ACSF2: variants seen among roughly 807,000 people sequenced by gnomAD.
ACSF2 encodes acyl-CoA synthetase family member 2, also known as medium-chain acyl-CoA ligase ACSF2, mitochondrial.
In ACSF2, 52 loss-of-function variants were observed where a neutral mutation model predicts 79.3. That is an observed-to-expected ratio of 0.66 (90% CI 0.53 to 0.83). The LOEUF is 0.83. ACSF2 is among the 40% of genes least tolerant of loss of function. ACSF2 has a pLI of 0.00. For missense variants in ACSF2, 661 were observed against 803.3 expected, an observed-to-expected ratio of 0.82 and a Z score of 2.14; for synonymous variants, 283 against 312.6, an observed-to-expected ratio of 0.91 and a Z score of 1.00.
At position 50,465,762 on chromosome 17, in the gene ACSF2, G is replaced by T. The variant is rs149581463; in HGVS notation, c.1215+1468G>T. On this transcript the variant is annotated intron_variant, in intron 10 of 15. Coordinates refer to ENST00000300441, the MANE Select transcript of ACSF2 (RefSeq NM_025149.6). ...TTCCAGGGGTTATTGGTAAGGGCGAGGGTCTCCAGGCTGTCGAAGGGGAAG... is the reference window on the plus strand; with the variant it reads ...TTCCAGGGGTTATTGGTAAGGGCGATGGTCTCCAGGCTGTCGAAGGGGAAG... 3.7e-6 allele frequency: 6 copies of T among 1,613,770 alleles called. No individual in the cohort carries two copies. In the African/African-American group the frequency reaches 6.7e-5, roughly 18 times the overall value.
Position 50,461,370 on chromosome 17 carries a change from G to C in ACSF2, c.453G>C (p.Leu151=). The part of the protein sequence containing the change: ...QLATAQAGII[L]VSVNPAYQAM... ...CCACCGCCCAGGCGGGCATCATTCT[G>C]GTGAGGAGGGGCTTGCTTGGCACAG... is the stretch of plus-strand genomic sequence containing the variant. Residue 151 remains leucine (L), a splice_region_variant and synonymous_variant, in exon 3 of 16, where the codon CTG becomes CTC. Coordinates refer to ENST00000300441, the MANE Select transcript of ACSF2 (RefSeq NM_025149.6). 6.2e-7 allele frequency: 1 copy of C among 1,613,980 alleles called. No homozygotes were observed. Among genetic ancestry groups the C allele is most frequent in the Non-Finnish European group, 8.5e-7 (1 of 1,179,988 alleles).
Position 50,463,512 on chromosome 17 carries a change from T to C in ACSF2, c.1006T>C (p.Phe336Leu). 1 of 1,614,182 alleles carries C rather than the reference T, an allele frequency of 6.2e-7. No homozygotes were observed. Among genetic ancestry groups the C allele is most frequent in the Non-Finnish European group, 8.5e-7 (1 of 1,180,032 alleles). The stretch of plus-strand genomic sequence containing the variant: ...CACCCTCATCCTGGCCTCTCCCATC[T>C]TCAATGGCAAGAAGGCACTGGAGGC... Reference protein sequence around the residue: ...GATLILASPIFNGKKALEAIS... With the variant: ...GATLILASPILNGKKALEAIS... The change falls in exon 8 of 16, where the codon TTC (phenylalanine) becomes CTC (leucine). Residue 336 changes from phenylalanine (F) to leucine (L), a missense_variant. Phe to Leu is a conservative substitution (Grantham distance 22). Coordinates refer to ENST00000300441, the MANE Select transcript of ACSF2 (RefSeq NM_025149.6). This position sits in a 1 kb window ranked among gnomAD's most constrained non-coding sequence, Gnocchi z 4.6.
chr17:50,435,421 T>A (rs576329267), intron 1 of ACSF2, among the ~76,000 whole-genome samples: 16 of 151,880 alleles, frequency 1.1e-4, no homozygotes, highest in East Asian at 3.9e-4. Flanking sequence ...TTTTTTTTTT[T>A]AATTTTTTGA....
In ACSF2 at chr17:50,467,925, A is replaced by G. The variant is rs1044551266; in HGVS notation, c.1216-3103A>G. 16 of 1,079,374 alleles carry G rather than the reference A, an allele frequency of 1.5e-5. No individual in the cohort carries two copies. The African/African-American group carries it at 2.4e-4, about 16-fold the overall frequency. The allele number at this position is 1,079,374 out of a possible 1,614,324, so 66.9% of individuals were successfully genotyped here. A position where few individuals can be genotyped will look rare whatever the true frequency, so the allele number is the denominator to read the frequency against. The stretch of plus-strand genomic sequence containing the variant: ...TGGCAGAGCTGCTCACCTTGGAGAT[A>G]GCCAGAGGGACAGGGAACCTGGGGA... On this transcript the variant is annotated intron_variant, in intron 10 of 15. Coordinates refer to ENST00000300441, the MANE Select transcript of ACSF2 (RefSeq NM_025149.6).
At chr17:50,470,785 G>A in intron 10 of ACSF2, 2 of 427,062 alleles carry the variant, frequency 4.7e-6, no homozygotes, top group Non-Finnish European at 8.6e-6. Context: ...AGCTGGAAGA[G>A]AATGGTGTCC....
In ACSF2 at chr17:50,463,681, C is replaced by A; in HGVS notation, c.1046+129C>A. ...GACTGAGGATGGGGACAGTGGAGGACCCCCAGGAGAGGACCAGTTCCTGCC... is the reference window on the plus strand; with the variant it reads ...GACTGAGGATGGGGACAGTGGAGGAACCCCAGGAGAGGACCAGTTCCTGCC... On this transcript the variant is annotated intron_variant, in intron 8 of 15. Transcript: ENST00000300441. This position sits in a 1 kb window ranked among gnomAD's most constrained non-coding sequence, Gnocchi z 4.6. 2 of 1,492,910 alleles carry A rather than the reference C, an allele frequency of 1.3e-6. No homozygotes were observed. The highest frequency in any genetic ancestry group is 1.4e-5 in the African/African-American group (1 of 72,636). The allele number at this position is 1,492,910 out of a possible 1,614,324, so 92.5% of individuals were successfully genotyped here.
chr17:50,465,175 T>C (rs954746667), intron 10 of ACSF2: 11 of 1,222,190 alleles, frequency 9.0e-6, no homozygotes, highest in Non-Finnish European at 1.3e-5. Flanking sequence ...CCCTCCTCTC[T>C]CTGTAAAAAT....
At chr17:50,464,621 G>A in intron 10 of ACSF2, 1 of 523,332 alleles carries the variant, frequency 1.9e-6, no homozygotes, top group Non-Finnish European at 3.7e-6. Context: ...CAGAGTTGGG[G>A]CATGGGCTTT....
Position 50,463,746 on chromosome 17 carries a change from A to G in ACSF2, c.1047-72A>G. ...TGCCTATTCCCTTTGCTGCAGTTTCATGGCGGGGTGGGTGAGAACAGGGAG... is the reference window on the plus strand; with the variant it reads ...TGCCTATTCCCTTTGCTGCAGTTTCGTGGCGGGGTGGGTGAGAACAGGGAG... On this transcript the variant is annotated intron_variant, in intron 8 of 15. Coordinates refer to ENST00000300441, the MANE Select transcript of ACSF2 (RefSeq NM_025149.6). This position sits in a 1 kb window ranked among gnomAD's most constrained non-coding sequence, Gnocchi z 4.6. The G allele has an allele frequency of 6.6e-7, 1 of 1,521,502 alleles. No individual in the cohort carries two copies. The highest frequency in any genetic ancestry group is 1.2e-5 in the South Asian group (1 of 86,126). 94.3% of individuals were successfully genotyped at this position (1,521,502 alleles called of 1,614,324 possible). A position where few individuals can be genotyped will look rare whatever the true frequency, so the allele number is the denominator to read the frequency against.
chr17:50,449,199 T>G (rs531606730), intron 1 of ACSF2, among the ~76,000 whole-genome samples: 2 of 151,522 alleles, frequency 1.3e-5, no homozygotes, highest in Admixed American at 1.3e-4. Context: ...GTGTTTTTGG[T>G]AGAGACAGGG....
intron 10 of ACSF2, chr17:50,465,473 G>A: frequency 6.2e-7 from 1 of 1,611,720 alleles, no homozygotes; most frequent in East Asian, 2.2e-5. Context: ...GGCTGGGGAA[G>A]AAGGTGGGAG....
In ACSF2 at chr17:50,472,729, C is replaced by T. The variant is rs575698464; in HGVS notation, c.1475+150C>T. 97 of 913,998 alleles carry T rather than the reference C, an allele frequency of 1.1e-4. 1 individual carries two copies. In the South Asian group the frequency reaches 1.5e-3, roughly 14 times the overall value. The allele number at this position is 913,998 out of a possible 1,614,324, so 56.6% of individuals were successfully genotyped here. A position where few individuals can be genotyped will look rare whatever the true frequency, so the allele number is the denominator to read the frequency against. On this transcript the variant is annotated intron_variant, in intron 12 of 15. Coordinates refer to ENST00000300441, the MANE Select transcript of ACSF2 (RefSeq NM_025149.6). ...GGAGTCTTAATTTCCAAAATGTATA[C>T]GGTGGGGATGATCATACATAGCACA...
At chr17:50,455,719 C>T (rs969481666) in intron 1 of ACSF2, among the ~76,000 whole-genome samples, 2 of 152,154 alleles carry the variant, frequency 1.3e-5, no homozygotes, top group Non-Finnish European at 2.9e-5. Context: ...CAAGGGTGGG[C>T]GGAGGAGCTG....
chr17:50,450,703 C>A, intron 1 of ACSF2: 1 of 158,888 alleles, frequency 6.3e-6, no homozygotes, highest in East Asian at 1.6e-4. Flanking sequence ...TGCCATCATA[C>A]TCCTGGCAAT....
At chr17:50,429,843 GA>G (rs1915364183) in intron 1 of ACSF2, among the ~76,000 whole-genome samples, 1 of 152,142 alleles carries the variant, frequency 6.6e-6, no homozygotes, top group African/African-American at 2.4e-5. Flanking sequence ...CAGAAGGAAA[GA>G]AAAAGCTGTC....
intron 10 of ACSF2, chr17:50,468,655 G>C (rs529863360): frequency 2.5e-6 from 4 of 1,614,184 alleles, no homozygotes; most frequent in African/African-American, 1.3e-5. Context: ...TGAGCAGCTT[G>C]GTCTTCTCTG....
chr17:50,434,305 T>C (rs1598389947), intron 1 of ACSF2, among the ~76,000 whole-genome samples: 1 of 151,690 alleles, frequency 6.6e-6, no homozygotes, highest in Admixed American at 6.6e-5. Context: ...AGTGACAGGG[T>C]GAGAGCATGT....
At position 50,461,316 on chromosome 17, in the gene ACSF2, C is replaced by T. The variant is rs1303189116; in HGVS notation, c.399C>T (p.Asn133=). ...ACCGGCTGGGCATGTGGGGACCTAA[C>T]TCCTATGCATGGGTGCTCATGCAGT... ...KGDRLGMWGP[N]SYAWVLMQLA... is the part of the protein sequence containing the mutation. The change falls in exon 3 of 16, where the codon AAC becomes AAT. Residue 133 remains asparagine (N), a synonymous_variant. Transcript: ENST00000300441. 2 of 1,614,216 alleles carry T rather than the reference C, an allele frequency of 1.2e-6. No homozygotes were observed. The highest frequency in any genetic ancestry group is 1.7e-6 in the Non-Finnish European group (2 of 1,180,030).
chr17:50,468,569 A>G (rs750324201), intron 10 of ACSF2: 2 of 1,614,232 alleles, frequency 1.2e-6, no homozygotes, highest in South Asian at 1.1e-5. Context: ...GCAGTGCTGC[A>G]GGTGCAATGA....
Sources: allele counts gnomAD v4.1 joint callset (sites outside exome capture counted in the v4.1 genomes callset), GRCh38; gene constraint gnomAD v4.1.1; non-coding constraint Gnocchi (gnomAD v3.1); transcripts MANE v1.5; gene names NCBI Gene and HGNC (gene_info 2026-07-23, HGNC 2026-07-21).